Variants in INPP5A observed in about 807,000 individuals in gnomAD.
The protein encoded by INPP5A is inositol polyphosphate-5-phosphatase A, also known as 43 kDa inositol polyphosphate 5-phophatase.
INPP5A carries 14 observed loss-of-function variants against 65.2 expected under a neutral mutation model. That is an observed-to-expected ratio of 0.21 (90% CI 0.14 to 0.34). The LOEUF (loss-of-function observed/expected upper bound fraction) is 0.34. INPP5A is among the 10% of genes least tolerant of loss of function. The probability of loss-of-function intolerance (pLI) is 1.00; values close to 1 mark genes in which losing one functional copy is unlikely to be tolerated. For missense variants in INPP5A, 431 were observed against 545.6 expected (o/e 0.79, Z 2.09); for synonymous variants, 207 against 208.3 (o/e 0.99, Z 0.05).
rs116628913 is a variant in INPP5A, at chr10:132,744,505, C to T, written c.733-5012C>T. Reference sequence around the variant, plus strand: ...CATGGTGGGATATGCCCGTAGGTGTCGGGCAGATGGGGGAGTTTCAATACC... The same window carrying T: ...CATGGTGGGATATGCCCGTAGGTGTTGGGCAGATGGGGGAGTTTCAATACC... On this transcript the variant is annotated intron_variant, in intron 9 of 15. Transcript: ENST00000368594. Among the ~76,000 whole-genome samples the T allele has an allele frequency of 3.1e-3, 473 of 152,282 alleles. 3 individuals carry two copies. Among genetic ancestry groups the T allele is most frequent in the African/African-American group, 0.011 (437 of 41,550 alleles).
chr10:132,589,428 G>A (rs1488749758), intron 1 of INPP5A, among the ~76,000 whole-genome samples: 1 of 152,224 alleles, frequency 6.6e-6, no homozygotes, highest in Admixed American at 6.5e-5. Flanking sequence ...AACCCTGAGG[G>A]TCCCTTTGCC....
chr10:132,666,174 T>G (rs2072799466), intron 4 of INPP5A, among the ~76,000 whole-genome samples: 1 of 75,022 alleles, frequency 1.3e-5, no homozygotes, highest in African/African-American at 3.7e-5. Context: ...GTCGTGACTG[T>G]TATAATGCAT....
chr10:132,549,699 G>A lies in INPP5A; in HGVS notation c.75+11528G>A, dbSNP rs886289000. Among the ~76,000 whole-genome samples the A allele has an allele frequency of 3.9e-5, 6 of 152,238 alleles. No homozygotes were observed. Among genetic ancestry groups the A allele is most frequent in the East Asian group, 1.9e-4 (1 of 5,186 alleles). On this transcript the variant is annotated intron_variant, in intron 1 of 15. Transcript: ENST00000368594. The surrounding 1 kb of genome is among the most constrained non-coding windows in gnomAD (Gnocchi z 4.9). Reference sequence around the variant, plus strand: ...GCTCTGCAGCTGCAGGGCGGGAGCCGGGGCTTCCGTGAGGCTCTGTGACAC... The same window carrying A: ...GCTCTGCAGCTGCAGGGCGGGAGCCAGGGCTTCCGTGAGGCTCTGTGACAC...
chr10:132,777,912 T>C lies in INPP5A; in HGVS notation c.1089+130T>C, dbSNP rs891716772. 3.5e-5 allele frequency: 53 copies of C among 1,507,210 alleles called. No individual in the cohort carries two copies. The South Asian group carries it at 6.5e-4, about 18-fold the overall frequency. 93.4% of individuals were successfully genotyped at this position (1,507,210 alleles called of 1,614,324 possible). On this transcript the variant is annotated intron_variant, in intron 13 of 15. Transcript: ENST00000368594. ...TGGGGAATGCTGCCAGGTTGGGCCC[T>C]GACCTCGTGCTGCCATGAGCTGCAC...
In INPP5A at chr10:132,555,589, T is replaced by TG. The variant is rs2133260763; in HGVS notation, c.75+17421dup. 6.6e-6 allele frequency among the ~76,000 whole-genome samples: 1 copy of TG among 152,250 alleles called. No homozygotes were observed. Among genetic ancestry groups the TG allele is most frequent in the African/African-American group, 2.4e-5 (1 of 41,516 alleles). Reference sequence around the variant, plus strand: ...GTCCTGACTCGCCTCCTGAGAGCCGTGGGTCACAAACTCAAATGCACACAC... The same window carrying TG: ...GTCCTGACTCGCCTCCTGAGAGCCGTGGGGTCACAAACTCAAATGCACACAC... On this transcript the variant is annotated intron_variant, in intron 1 of 15. Transcript: ENST00000368594. This position sits in a 1 kb window ranked among gnomAD's most constrained non-coding sequence, Gnocchi z 4.4.
intron 2 of INPP5A, among the ~76,000 whole-genome samples, chr10:132,624,347 G>C (rs971748160): frequency 6.6e-6 from 1 of 152,252 alleles, no homozygotes; most frequent in Admixed American, 6.5e-5. Flanking sequence ...TTTGAAGTGT[G>C]AGCTCGCTGT....
intron 1 of INPP5A, among the ~76,000 whole-genome samples, chr10:132,594,217 TG>T (rs1350133543): frequency 9.9e-5 from 15 of 152,210 alleles, no homozygotes; most frequent in African/African-American, 3.6e-4. Flanking sequence ...GATCTAGAGC[TG>T]TGCTGTGTAG....
intron 1 of INPP5A, among the ~76,000 whole-genome samples, chr10:132,560,147 A>G (rs956207160): frequency 2.6e-5 from 4 of 151,556 alleles, no homozygotes; most frequent in Non-Finnish European, 4.4e-5. Context: ...TTGCTGTGTG[A>G]ACATGTGTCT....
rs917221783 is a variant in INPP5A at position 132,650,975 on chromosome 10, G to A, written c.306+470G>A. 8.5e-5 allele frequency among the ~76,000 whole-genome samples: 13 copies of A among 152,166 alleles called. No individual in the cohort carries two copies. The highest frequency in any genetic ancestry group is 1.6e-4 in the Non-Finnish European group (11 of 68,014). On this transcript the variant is annotated intron_variant, in intron 4 of 15. Coordinates refer to ENST00000368594, the MANE Select transcript of INPP5A (RefSeq NM_005539.5). This position sits in a 1 kb window ranked among gnomAD's most constrained non-coding sequence, Gnocchi z 5.5. ...GCCTCGGAGAGAGGCTGTTCCTCAGGGTGAGCACAGGGGGAGTGGGACAGA... is the reference window on the plus strand; with the variant it reads ...GCCTCGGAGAGAGGCTGTTCCTCAGAGTGAGCACAGGGGGAGTGGGACAGA...
intron 9 of INPP5A, among the ~76,000 whole-genome samples, chr10:132,735,751 A>G (rs975080026): frequency 2.6e-5 from 4 of 152,250 alleles, no homozygotes; most frequent in African/African-American, 9.6e-5. Context: ...GAGGCCGGGC[A>G]GAGCCGGGCT....
chr10:132,739,880 G>GC lies in INPP5A; in HGVS notation c.733-9634dup, dbSNP rs778640054. Among the ~76,000 whole-genome samples, 5 of 152,290 alleles carry GC rather than the reference G, an allele frequency of 3.3e-5. No individual in the cohort carries two copies. The East Asian group carries it at 5.8e-4, about 18-fold the overall frequency. Reference sequence around the variant, plus strand: ...TTGTCTCCACCCTGTGTGTCCGTTGGCCCGTGTATGTTTGATGAGCACTGA... The same window carrying GC: ...TTGTCTCCACCCTGTGTGTCCGTTGGCCCCGTGTATGTTTGATGAGCACTGA... On this transcript the variant is annotated intron_variant, in intron 9 of 15. Coordinates refer to ENST00000368594, the MANE Select transcript of INPP5A (RefSeq NM_005539.5).
chr10:132,577,443 C>T (rs940143370), intron 1 of INPP5A, among the ~76,000 whole-genome samples: 9 of 152,194 alleles, frequency 5.9e-5, no homozygotes, highest in Non-Finnish European at 8.8e-5. Flanking sequence ...ACGTTTATCT[C>T]GGGCTGCGCA....
chr10:132,631,675 T>C (rs2072275653), intron 2 of INPP5A, among the ~76,000 whole-genome samples: 1 of 152,176 alleles, frequency 6.6e-6, no homozygotes, highest in Non-Finnish European at 1.5e-5. Flanking sequence ...GCTGCCTGTT[T>C]CCTGGGAACC....
intron 14 of INPP5A, 144 bp downstream of exon 14, chr10:132,781,061 C>T (rs1327254996): frequency 4.5e-6 from 3 of 663,572 alleles, no homozygotes; most frequent in Non-Finnish European, 2.7e-6. Flanking sequence ...TCCTGTTCTC[C>T]TGTCTTCTTA....
chr10:132,708,499 C>G (rs768425630), intron 7 of INPP5A, 134 bp downstream of exon 7: 45 of 850,138 alleles, frequency 5.3e-5, no homozygotes, highest in Admixed American at 2.0e-4. Flanking sequence ...GCCTGACCCC[C>G]ACCTGCCACT....
intron 3 of INPP5A, among the ~76,000 whole-genome samples, chr10:132,647,735 C>T (rs1415014902): frequency 6.6e-6 from 1 of 152,080 alleles, no homozygotes; most frequent in African/African-American, 2.4e-5. Context: ...GGCTGGGGCA[C>T]GGCATCATTG....
chr10:132,730,954 G>A (rs1846073779), intron 9 of INPP5A, among the ~76,000 whole-genome samples: 2 of 152,318 alleles, frequency 1.3e-5, no homozygotes, highest in South Asian at 4.1e-4. Context: ...TACAGACCAG[G>A]TGACTTTCAA....
chr10:132,762,641 T>C lies in INPP5A; in HGVS notation c.904-3132T>C, dbSNP rs1292961291. On this transcript the variant is annotated intron_variant, in intron 11 of 15. Transcript: ENST00000368594. This position sits in a 1 kb window ranked among gnomAD's most constrained non-coding sequence, Gnocchi z 4.6. ...GTGGGATGAAGAAGGAAGAAGAACATTTGTGTAAAGCTTAAAAACATGTAG... is the reference window on the plus strand; with the variant it reads ...GTGGGATGAAGAAGGAAGAAGAACACTTGTGTAAAGCTTAAAAACATGTAG... 6.6e-6 allele frequency among the ~76,000 whole-genome samples: 1 copy of C among 151,996 alleles called. No homozygotes were observed. The highest frequency in any genetic ancestry group is 6.5e-5 in the Admixed American group (1 of 15,274).
intron 2 of INPP5A, among the ~76,000 whole-genome samples, chr10:132,613,421 G>A (rs1183081711): frequency 4.6e-5 from 7 of 152,352 alleles, no homozygotes; most frequent in East Asian, 3.9e-4. Flanking sequence ...AGCACCTGGC[G>A]TCCTTTCTGG....
Sources: allele counts gnomAD v4.1 joint callset (sites outside exome capture counted in the v4.1 genomes callset), GRCh38; gene constraint gnomAD v4.1.1; non-coding constraint Gnocchi (gnomAD v3.1); transcripts MANE v1.5; gene names NCBI Gene and HGNC (gene_info 2026-07-23, HGNC 2026-07-21).